Variants in L3MBTL3 observed in about 807,000 individuals in gnomAD.
The protein encoded by L3MBTL3 is L3MBTL histone methyl-lysine binding protein 3.
In L3MBTL3, 27 loss-of-function variants were observed where a neutral mutation model predicts 102.3. The ratio of observed to expected loss-of-function variants is 0.26; its 90% confidence interval spans 0.19 to 0.36. The LOEUF is 0.36. Ranked by LOEUF, L3MBTL3 falls within the 10% of genes least tolerant of loss-of-function variation. The pLI, the probability that L3MBTL3 is intolerant of heterozygous loss-of-function variation, is 1.00. For synonymous variants in L3MBTL3, 340 were observed against 320.9 expected (o/e 1.06, Z -0.64); for missense variants, 798 against 955.3 (o/e 0.84, Z 2.17).
intron 8 of L3MBTL3, among the ~76,000 whole-genome samples, chr6:130,057,066 T>TTG (rs148489697): frequency 0.017 from 2,619 of 152,338 alleles, 36 homozygotes; most frequent in Middle Eastern, 0.065. Flanking sequence ...CCTCAACTTC[T>TTG]TGATCTCTTA....
intron 2 of L3MBTL3, among the ~76,000 whole-genome samples, chr6:130,035,934 G>A (rs941291793): frequency 2.0e-5 from 3 of 152,044 alleles, no homozygotes; most frequent in Admixed American, 2.0e-4. Flanking sequence ...TGCAGAAGGA[G>A]AAATACTGTT....
At chr6:130,069,214 A>G (rs1435950269) in intron 12 of L3MBTL3, among the ~76,000 whole-genome samples, 2 of 152,208 alleles carry the variant, frequency 1.3e-5, no homozygotes, top group East Asian at 3.8e-4. Flanking sequence ...CTTTCTCTCT[A>G]GTATGATCAG....
At chr6:130,022,941 A>G (rs1318762477) in intron 2 of L3MBTL3, among the ~76,000 whole-genome samples, 1 of 152,186 alleles carries the variant, frequency 6.6e-6, no homozygotes, top group African/African-American at 2.4e-5. Flanking sequence ...GCTTCTTTCC[A>G]ATACTCCAGG....
chr6:130,035,128 C>A (rs559299978), intron 2 of L3MBTL3, among the ~76,000 whole-genome samples: 1 of 152,092 alleles, frequency 6.6e-6, no homozygotes, highest in African/African-American at 2.4e-5. Context: ...AACATGAAAC[C>A]GGATTTAAAA....
chr6:130,049,749 T>G lies in L3MBTL3; in HGVS notation c.215-7T>G. ...TATGCTGATGACTCCTAAATCTACATCTCCAGCCCCGACCTCTCCCCCGAG... is the reference window on the plus strand; with the variant it reads ...TATGCTGATGACTCCTAAATCTACAGCTCCAGCCCCGACCTCTCCCCCGAG... On this transcript the variant is annotated splice_region_variant and splice_polypyrimidine_tract_variant and intron_variant, in intron 4 of 22. Coordinates refer to ENST00000361794, the MANE Select transcript of L3MBTL3 (RefSeq NM_032438.4). 1 of 1,613,962 alleles carries G rather than the reference T, an allele frequency of 6.2e-7. No individual in the cohort carries two copies. Among genetic ancestry groups the G allele is most frequent in the Non-Finnish European group, 8.5e-7 (1 of 1,179,946 alleles).
At chr6:130,090,676 G>C (rs887313331) in intron 16 of L3MBTL3, among the ~76,000 whole-genome samples, 2 of 151,994 alleles carry the variant, frequency 1.3e-5, no homozygotes, top group African/African-American at 4.8e-5. Context: ...GCTCACTGTA[G>C]CCTCAACCTC....
intron 22 of L3MBTL3, among the ~76,000 whole-genome samples, chr6:130,135,128 G>C: frequency 7.0e-6 from 1 of 143,118 alleles, no homozygotes; most frequent in Non-Finnish European, 1.5e-5. Context: ...TCCTGGGCTA[G>C]AGTGCTCACT....
chr6:130,109,749 G>A (rs983167574), intron 19 of L3MBTL3, among the ~76,000 whole-genome samples: 2 of 152,148 alleles, frequency 1.3e-5, no homozygotes, highest in African/African-American at 2.4e-5. Flanking sequence ...TGTTGCAGTT[G>A]CTTTTGGTGT....
chr6:130,029,167 T>C (rs558989005), intron 2 of L3MBTL3, among the ~76,000 whole-genome samples: 2 of 152,340 alleles, frequency 1.3e-5, no homozygotes, highest in South Asian at 2.1e-4. Flanking sequence ...AGCATTATAA[T>C]CAGTGTATAG....
rs1408841959 is a variant in L3MBTL3 at position 130,133,236 on chromosome 6, G to A, written c.1967-216G>A. ...CATAATGAAGCATGTCTTTAGTAAT[G>A]AGTGCTGTAGCAAATGATATCAGTT... is the stretch of plus-strand genomic sequence containing the variant. On this transcript the variant is annotated intron_variant, in intron 20 of 22. Coordinates refer to ENST00000361794, the MANE Select transcript of L3MBTL3 (RefSeq NM_032438.4). The surrounding 1 kb of genome is among the most constrained non-coding windows in gnomAD (Gnocchi z 4.9). Among the ~76,000 whole-genome samples the A allele has an allele frequency of 6.6e-6, 1 of 152,204 alleles. No individual in the cohort carries two copies.
At chr6:130,050,579 A>G (rs1781035922) in intron 5 of L3MBTL3, among the ~76,000 whole-genome samples, 1 of 152,170 alleles carries the variant, frequency 6.6e-6, no homozygotes, top group African/African-American at 2.4e-5. Flanking sequence ...TGCCTCTAGT[A>G]TTGCATGTAT....
chr6:130,061,265 A>G (rs1324815385), intron 10 of L3MBTL3, among the ~76,000 whole-genome samples: 1 of 151,924 alleles, frequency 6.6e-6, no homozygotes, highest in African/African-American at 2.4e-5. Flanking sequence ...TTATATTTTT[A>G]GTAGAGATGA....
chr6:130,126,895 G>A (rs1000224869), intron 20 of L3MBTL3, among the ~76,000 whole-genome samples: 3 of 152,290 alleles, frequency 2.0e-5, no homozygotes, highest in Admixed American at 2.0e-4. Flanking sequence ...TCCAATGGTT[G>A]AAGCTTGTGA....
intron 6 of L3MBTL3, 142 bp downstream of exon 6, chr6:130,051,550 T>A: frequency 1.4e-6 from 1 of 713,326 alleles, no homozygotes; most frequent in Non-Finnish European, 2.3e-6. Flanking sequence ...TAGGGCCACA[T>A]GGGCCCTAAC....
Position 130,086,247 on chromosome 6 carries a change from A to G in L3MBTL3, c.1515A>G (p.Val505=). The change falls in exon 16 of 23, where the codon GTA becomes GTG. Residue 505 remains valine, a synonymous_variant. Coordinates refer to ENST00000361794, the MANE Select transcript of L3MBTL3 (RefSeq NM_032438.4). Reference sequence around the variant, plus strand: ...TGGCAGACACAGATGATCACCGGGTAAAAGTAAGTGTTCTGTGTGGGGGGT... The same window carrying G: ...TGGCAGACACAGATGATCACCGGGTGAAAGTAAGTGTTCTGTGTGGGGGGT... ...ATVADTDDHR[V]KVHFDGWNNC... The G allele has an allele frequency of 1.9e-6, 3 of 1,597,514 alleles. No individual in the cohort carries two copies. Among genetic ancestry groups the G allele is most frequent in the Non-Finnish European group, 2.6e-6 (3 of 1,167,116 alleles).
At chr6:130,135,633 C>T (rs1204268045) in intron 22 of L3MBTL3, among the ~76,000 whole-genome samples, 1 of 152,030 alleles carries the variant, frequency 6.6e-6, no homozygotes, top group Non-Finnish European at 1.5e-5. Context: ...TTATTCATGG[C>T]AGATTGTCTT....
intron 16 of L3MBTL3, among the ~76,000 whole-genome samples, chr6:130,092,192 C>T (rs1245753960): frequency 6.6e-6 from 1 of 151,646 alleles, no homozygotes; most frequent in Non-Finnish European, 1.5e-5. Context: ...TAGTTATTTG[C>T]AAGGAAAAAA....
chr6:130,123,721 GA>G (rs1786398415), intron 20 of L3MBTL3, among the ~76,000 whole-genome samples: 1 of 152,120 alleles, frequency 6.6e-6, no homozygotes, highest in South Asian at 2.1e-4. Context: ...CATTTTGTAT[GA>G]AAGAGATTTG....
At chr6:130,054,935 G>A (rs1009142883) in intron 7 of L3MBTL3, among the ~76,000 whole-genome samples, 2 of 152,146 alleles carry the variant, frequency 1.3e-5, no homozygotes, top group Admixed American at 6.5e-5. Context: ...TTCAAGGAGC[G>A]GGGAGCGGTG....
Sources: allele counts gnomAD v4.1 joint callset (sites outside exome capture counted in the v4.1 genomes callset), GRCh38; gene constraint gnomAD v4.1.1; non-coding constraint Gnocchi (gnomAD v3.1); transcripts MANE v1.5; gene names NCBI Gene and HGNC (gene_info 2026-07-23, HGNC 2026-07-21).